The following HDAC9 variants were observed in gnomAD, a reference collection of about 807,000 sequenced individuals.
HDAC9 encodes MEF-2 interacting transcription repressor (MITR) protein.
Under a neutral mutation model 139.4 loss-of-function variants are expected in HDAC9, and 41 were observed. The observed-to-expected ratio is 0.29, with a 90% CI of 0.23 to 0.38. HDAC9 has a LOEUF of 0.38. Ranked by LOEUF, HDAC9 falls within the 10% of genes least tolerant of loss-of-function variation. The pLI is 1.00. For missense variants in HDAC9, 1,147 were observed against 1,297.0 expected (o/e 0.88, Z 1.78); for synonymous variants, 517 against 476.2 (o/e 1.09, Z -1.12).
At chr7:18,986,788 T>G (rs1785395261) in intron 25 of HDAC9, among the ~76,000 whole-genome samples, 1 of 152,120 alleles carries the variant, frequency 6.6e-6, no homozygotes, top group South Asian at 2.1e-4. Context: ...GTCCTTCACA[T>G]CCCTTGTAAG....
chr7:18,700,833 G>A (rs2129104519), intron 12 of HDAC9, among the ~76,000 whole-genome samples: 1 of 152,212 alleles, frequency 6.6e-6, no homozygotes, highest in Non-Finnish European at 1.5e-5. Context: ...GAAGTTGCTG[G>A]CCCCAGCTGG....
chr7:18,990,043 T>G (rs1785740993), intron 25 of HDAC9, among the ~76,000 whole-genome samples: 1 of 152,218 alleles, frequency 6.6e-6, no homozygotes, highest in Non-Finnish European at 1.5e-5. Context: ...TGAAGCCTTC[T>G]TCTCTCAGCT....
chr7:18,737,556 T>C (rs554256110), intron 13 of HDAC9, among the ~76,000 whole-genome samples: 2 of 152,062 alleles, frequency 1.3e-5, no homozygotes, highest in South Asian at 4.1e-4. Flanking sequence ...GATTAGAATA[T>C]AGTTTTCATT....
chr7:18,821,541 T>G (rs1794973748), intron 17 of HDAC9, among the ~76,000 whole-genome samples: 1 of 152,190 alleles, frequency 6.6e-6, no homozygotes, highest in Admixed American at 6.5e-5. Flanking sequence ...ATAAAACTGA[T>G]GCAGCGGGAA....
At chr7:18,774,693 GGAATGTGGTT>G (rs1189334010) in intron 16 of HDAC9, among the ~76,000 whole-genome samples, 1 of 152,048 alleles carries the variant, frequency 6.6e-6, no homozygotes, top group East Asian at 1.9e-4. Context: ...TTGGCTCAAG[GGAATGTGGTT>G]GGGTTGATCT....
At chr7:18,091,087 A>G (rs1782112278) in intron 1 of HDAC9, among the ~76,000 whole-genome samples, 1 of 152,220 alleles carries the variant, frequency 6.6e-6, no homozygotes, top group Admixed American at 6.5e-5. Context: ...TTATGCAAGT[A>G]TTTTTGAATA....
chr7:18,272,432 A>T (rs1325823831), intron 2 of HDAC9, among the ~76,000 whole-genome samples: 1 of 152,178 alleles, frequency 6.6e-6, no homozygotes, highest in East Asian at 1.9e-4. Context: ...TACAATAAAT[A>T]TTTCCAGACC....
Position 18,623,620 on chromosome 7 carries a change from C to A in HDAC9, c.665-5730C>A, listed in dbSNP as rs78024698. ...AATGATTCACAGAGATGAAATCACT[C>A]ATTTGGGGTTACAGTTAGTACATCA... is the stretch of plus-strand genomic sequence containing the variant. On this transcript the variant is annotated intron_variant, in intron 6 of 25. Transcript: ENST00000686413. Among the ~76,000 whole-genome samples the A allele has an allele frequency of 1.4e-3, 207 of 152,208 alleles. 2 individuals carry two copies. The East Asian group carries it at 0.029, about 22-fold the overall frequency.
In HDAC9 at chr7:18,405,134, A is replaced by C. The variant is rs13236494; in HGVS notation, c.-41-91128A>C. On this transcript the variant is annotated intron_variant, in intron 1 of 3. Transcript: ENST00000413509. ...CTCCATATAGATAGTGGCCCCCGGC[A>C]GGGAATTGATTTTTTTCTTCATCAA... Among the ~76,000 whole-genome samples, 1,292 of 152,328 alleles carry C rather than the reference A, an allele frequency of 8.5e-3. 10 individuals carry two copies. Among genetic ancestry groups the C allele is most frequent in the Non-Finnish European group, 0.014 (972 of 68,026 alleles).
chr7:18,208,243 C>G (rs1267015863), intron 2 of HDAC9, among the ~76,000 whole-genome samples: 1 of 152,114 alleles, frequency 6.6e-6, no homozygotes, highest in Non-Finnish European at 1.5e-5. Context: ...TTCACATTTT[C>G]TATCTCATCC....
In HDAC9 at chr7:18,998,535, T is replaced by C. The variant is rs1563121926; in HGVS notation, c.*2473T>C. 1 of 152,240 alleles carries C rather than the reference T, an allele frequency of 6.6e-6. No individual in the cohort carries two copies. The highest frequency in any genetic ancestry group is 1.5e-5 in the Non-Finnish European group (1 of 68,036). 9.4% of individuals were successfully genotyped at this position (152,240 alleles called of 1,614,324 possible). On this transcript the variant is annotated 3_prime_UTR_variant, in exon 26 of 26. Coordinates refer to ENST00000686413, the MANE Select transcript of HDAC9 (RefSeq NM_178425.4). The stretch of plus-strand genomic sequence containing the variant: ...AGTTGTAAGAACAGAATGCCATTGC[T>C]TTTTGATTATACCATTACAAGATGG...
intron 2 of HDAC9, among the ~76,000 whole-genome samples, chr7:18,512,675 C>G (rs1217759686): frequency 6.6e-6 from 1 of 152,202 alleles, no homozygotes; most frequent in Non-Finnish European, 1.5e-5. Flanking sequence ...CTCAACTCTA[C>G]TAACCATTCG....
chr7:18,879,272 C>T (rs1417193522), intron 22 of HDAC9, among the ~76,000 whole-genome samples: 1 of 152,126 alleles, frequency 6.6e-6, no homozygotes, highest in African/African-American at 2.4e-5. Context: ...TTCTATCAAA[C>T]TACCAATGAC....
At chr7:18,125,298 G>A (rs1428707806) in intron 1 of HDAC9, among the ~76,000 whole-genome samples, 2 of 152,090 alleles carry the variant, frequency 1.3e-5, no homozygotes, top group Non-Finnish European at 2.9e-5. Context: ...GGGCTGTGAA[G>A]GCAACATCAA....
intron 22 of HDAC9, among the ~76,000 whole-genome samples, chr7:18,908,917 C>A (rs896553367): frequency 6.6e-6 from 1 of 152,092 alleles, no homozygotes; most frequent in Admixed American, 6.6e-5. Flanking sequence ...TTTGGATATA[C>A]ACACAGTTGT....
intron 1 of HDAC9, among the ~76,000 whole-genome samples, chr7:18,382,340 C>G (rs1235992974): frequency 6.6e-6 from 1 of 152,172 alleles, no homozygotes; most frequent in East Asian, 1.9e-4. Flanking sequence ...CCACCTCCAC[C>G]ATGGTATTCT....
At chr7:18,657,860 A>G (rs1397873416) in intron 11 of HDAC9, among the ~76,000 whole-genome samples, 1 of 152,092 alleles carries the variant, frequency 6.6e-6, no homozygotes, top group Non-Finnish European at 1.5e-5. Context: ...TACATGGCCT[A>G]CAAGGCTGTC....
intron 1 of HDAC9, among the ~76,000 whole-genome samples, chr7:18,157,135 C>T (rs1357819757): frequency 1.3e-5 from 2 of 152,164 alleles, no homozygotes; most frequent in Admixed American, 6.5e-5. Flanking sequence ...GTAATAGTAT[C>T]CTTTGCAGAC....
chr7:18,374,384 A>G (rs1452738087), intron 1 of HDAC9, among the ~76,000 whole-genome samples: 1 of 152,026 alleles, frequency 6.6e-6, no homozygotes, highest in African/African-American at 2.4e-5. Flanking sequence ...TCATTGTGTG[A>G]ACATCTTAGA....
Sources: gnomAD v4.1 joint callset for allele counts (sites outside exome capture counted in the v4.1 genomes callset) on GRCh38, gnomAD v4.1.1 for gene constraint, MANE v1.5 for transcripts, NCBI Gene and HGNC (gene_info 2026-07-23, HGNC 2026-07-21) for gene names.